The following ERC2 variants were observed in gnomAD, a reference collection of about 807,000 sequenced individuals.
ERC2 encodes the protein ELKS/RAB6-interacting/CAST family member 2.
Under a neutral mutation model 114.8 loss-of-function variants are expected in ERC2, and 42 were observed. That is an observed-to-expected ratio of 0.37 (90% confidence interval 0.29 to 0.47). The LOEUF (loss-of-function observed/expected upper bound fraction) is 0.47, where lower values mean the gene tolerates loss of function less well. Ranked by LOEUF, ERC2 falls within the 20% of genes least tolerant of loss-of-function variation. ERC2 has a pLI of 0.99. For synonymous variants in ERC2, 454 were observed against 425.5 expected (o/e 1.07, Z -0.82); for missense variants, 939 against 1,150.7 (o/e 0.82, Z 2.66).
intron 8 of ERC2, among the ~76,000 whole-genome samples, chr3:56,012,584 ATTAAGCAGACATG>A (rs1422697848): frequency 6.6e-6 from 1 of 152,212 alleles, no homozygotes; most frequent in Non-Finnish European, 1.5e-5. Context: ...AGGTAATAAA[ATTAAGCAGACATG>A]TTAACAGCCA....
intron 13 of ERC2, among the ~76,000 whole-genome samples, chr3:55,894,561 A>T (rs2149331924): frequency 6.6e-6 from 1 of 152,324 alleles, no homozygotes; most frequent in South Asian, 2.1e-4. Flanking sequence ...CCCAACAGGT[A>T]CTTCTTCAAA....
intron 3 of ERC2, among the ~76,000 whole-genome samples, chr3:56,182,453 C>T (rs1276036077): frequency 1.3e-5 from 2 of 152,224 alleles, no homozygotes; most frequent in East Asian, 3.9e-4. Flanking sequence ...AAGGAGTCTG[C>T]TGTGAAGGAT....
At chr3:56,172,058 A>T (rs559683593) in intron 4 of ERC2, among the ~76,000 whole-genome samples, 1 of 150,838 alleles carries the variant, frequency 6.6e-6, no homozygotes, top group Non-Finnish European at 1.5e-5. Context: ...AGCCTTAACC[A>T]AGTATCAGGT....
chr3:56,196,299 A>T (rs1008319740), intron 3 of ERC2, among the ~76,000 whole-genome samples: 2 of 152,138 alleles, frequency 1.3e-5, no homozygotes, highest in Non-Finnish European at 2.9e-5. Context: ...CCTCACAGAG[A>T]TCTTGATTAA....
chr3:55,618,860 AG>A (rs1465440883), intron 17 of ERC2, among the ~76,000 whole-genome samples: 1 of 152,258 alleles, frequency 6.6e-6, no homozygotes, highest in African/African-American at 2.4e-5. Flanking sequence ...CCTGATCAAC[AG>A]GAAAAGCTGA....
At chr3:55,939,586 G>A (rs1292719012) in intron 13 of ERC2, among the ~76,000 whole-genome samples, 1 of 152,160 alleles carries the variant, frequency 6.6e-6, no homozygotes, top group Non-Finnish European at 1.5e-5. Context: ...GTATTCCATA[G>A]AACCATCACT....
intron 7 of ERC2, among the ~76,000 whole-genome samples, chr3:56,036,821 GA>G (rs1489886285): frequency 3.3e-5 from 5 of 152,214 alleles, no homozygotes; most frequent in African/African-American, 1.2e-4. Flanking sequence ...CCCAAGCAAA[GA>G]GCTGTGCAGA....
intron 2 of ERC2, among the ~76,000 whole-genome samples, chr3:56,336,631 T>C (rs1168417222): frequency 6.6e-6 from 1 of 152,028 alleles, no homozygotes; most frequent in Non-Finnish European, 1.5e-5. Context: ...CCATCTCTAC[T>C]AGAAATACAA....
intron 3 of ERC2, among the ~76,000 whole-genome samples, chr3:56,181,545 C>T (rs937152342): frequency 6.6e-6 from 1 of 152,188 alleles, no homozygotes; most frequent in Non-Finnish European, 1.5e-5. Context: ...ATCTTCAAAA[C>T]TCATACTAGC....
intron 17 of ERC2, among the ~76,000 whole-genome samples, chr3:55,659,897 C>T (rs573659086): frequency 2.0e-5 from 3 of 152,006 alleles, no homozygotes; most frequent in Admixed American, 6.5e-5. Flanking sequence ...TTCTGAATCT[C>T]GGTATGGCGT....
chr3:56,354,883 G>A (rs1270025713), intron 2 of ERC2, among the ~76,000 whole-genome samples: 2 of 152,172 alleles, frequency 1.3e-5, no homozygotes, highest in African/African-American at 2.4e-5. Context: ...AGTTAACACA[G>A]CCCTCCCCAG....
At chr3:56,128,226 T>A (rs373318117) in intron 6 of ERC2, among the ~76,000 whole-genome samples, 4 of 152,194 alleles carry the variant, frequency 2.6e-5, no homozygotes, top group African/African-American at 9.7e-5. Flanking sequence ...TACAGTTCAC[T>A]AGACTGAATC....
intron 17 of ERC2, among the ~76,000 whole-genome samples, chr3:55,537,318 C>T (rs1046980889): frequency 2.0e-5 from 3 of 152,176 alleles, no homozygotes; most frequent in Non-Finnish European, 4.4e-5. Flanking sequence ...AGGTGGAAGA[C>T]GATGGTTTCC....
At chr3:56,312,657 A>G (rs2150399501) in intron 2 of ERC2, among the ~76,000 whole-genome samples, 1 of 151,996 alleles carries the variant, frequency 6.6e-6, no homozygotes, top group African/African-American at 2.4e-5. Context: ...TGCCAGTTCT[A>G]GGCATTACAC....
Position 55,663,279 on chromosome 3 carries a change from A to G in ERC2, c.*39+20515T>C, listed in dbSNP as rs1027707269. 5.3e-5 allele frequency among the ~76,000 whole-genome samples: 8 copies of G among 152,250 alleles called. 1 individual carries two copies. Among genetic ancestry groups the G allele is most frequent in the Admixed American group, 6.5e-5 (1 of 15,284 alleles). On this transcript the variant is annotated intron_variant, in intron 17 of 17. Transcript: ENST00000288221. Reference sequence around the variant, plus strand: ...CTAACCCTACACAGCCCCTGGAATAAAGCTTTTCCAATGTACCTGCCAGAG... The same window carrying G: ...CTAACCCTACACAGCCCCTGGAATAGAGCTTTTCCAATGTACCTGCCAGAG...
chr3:55,579,811 C>T (rs535803391), intron 17 of ERC2, among the ~76,000 whole-genome samples: 2 of 152,184 alleles, frequency 1.3e-5, no homozygotes, highest in African/African-American at 4.8e-5. Flanking sequence ...ACCTCCTTTG[C>T]GTTGAAGAGC....
rs146308505 is a variant in ERC2, at chr3:55,574,739, G to A, written c.*40-63463C>T. 6.8e-3 allele frequency among the ~76,000 whole-genome samples: 1,040 copies of A among 152,298 alleles called. 10 individuals carry two copies. The highest frequency in any genetic ancestry group is 0.014 in the Middle Eastern group (4 of 294). On this transcript the variant is annotated intron_variant, in intron 17 of 17. Coordinates refer to ENST00000288221, the MANE Select transcript of ERC2 (RefSeq NM_015576.3). ...GTGGCATTGCTACCATGACTGAGAA[G>A]GCTCGAGTTGATCACTGAGGCTGTC...
At chr3:56,214,713 GA>G (rs2049330879) in intron 3 of ERC2, among the ~76,000 whole-genome samples, 4 of 152,190 alleles carry the variant, frequency 2.6e-5, no homozygotes, top group African/African-American at 9.6e-5. Flanking sequence ...AAGTTGAAAT[GA>G]AGGAAAAAAT....
chr3:56,033,505 C>T lies in ERC2; in HGVS notation c.1642-14474G>A, dbSNP rs908213835. ...TCTTGTAAGGCATGTATAGTGGTGA[C>T]GAGCTTCTTTCATTTCAACTTAAAG... On this transcript the variant is annotated intron_variant, in intron 7 of 17. Coordinates refer to ENST00000288221, the MANE Select transcript of ERC2 (RefSeq NM_015576.3). 7.9e-5 allele frequency among the ~76,000 whole-genome samples: 12 copies of T among 152,060 alleles called. No individual in the cohort carries two copies. The East Asian group carries it at 9.6e-4, about 12-fold the overall frequency.
Sources: gnomAD v4.1 joint callset for allele counts (sites outside exome capture counted in the v4.1 genomes callset) on GRCh38, gnomAD v4.1.1 for gene constraint, MANE v1.5 for transcripts, NCBI Gene and HGNC (gene_info 2026-07-23, HGNC 2026-07-21) for gene names.